The following CCR9 variants were observed in gnomAD, a reference collection of about 807,000 sequenced individuals.
CCR9 encodes the protein C-C chemokine receptor type 9.
A neutral mutation model predicts 8.7 loss-of-function variants in CCR9; 4 were observed. The ratio of observed to expected loss-of-function variants is 0.46; its 90% confidence interval spans 0.23 to 1.06. The LOEUF is 1.06. Ranked by LOEUF, CCR9 falls within the 50% of genes least tolerant of loss-of-function variation. CCR9 has a pLI of 0.21. For missense variants in CCR9, 394 were observed against 453.6 expected (o/e 0.87, Z 1.19); for synonymous variants, 159 against 168.8 (o/e 0.94, Z 0.45).
At chr3:45,886,847 G>A (rs1329823587) in intron 1 of CCR9, among the ~76,000 whole-genome samples, 192 bp downstream of exon 1, 1 of 152,054 alleles carries the variant, frequency 6.6e-6, no homozygotes, top group African/African-American at 2.4e-5. Flanking sequence ...TTTCTTGTAG[G>A]GCGAGTAATA....
rs202070482 is a variant in CCR9 at position 45,901,572 on chromosome 3, G to C, written c.784G>C (p.Val262Leu). 6.2e-7 allele frequency: 1 copy of C among 1,614,174 alleles called. No individual in the cohort carries two copies. Among genetic ancestry groups the C allele is most frequent in the Non-Finnish European group, 8.5e-7 (1 of 1,180,012 alleles). The change falls in exon 3 of 3, where the codon GTC becomes CTC. Residue 262 changes from valine (V) to leucine (L), a missense_variant. Physicochemically the swap from Val to Leu is conservative, Grantham distance 32. Coordinates refer to ENST00000357632, the MANE Select transcript of CCR9 (RefSeq NM_031200.3). The surrounding 1 kb of genome is among the most constrained non-coding windows in gnomAD (Gnocchi z 4.3). ...AAAAGTGACCATCACTGTCCTGACC[G>C]TCTTTGTCTTGTCTCAGTTTCCCTA... ...ALKVTITVLT[V>L]FVLSQFPYNC...
chr3:45,898,594 T>C (rs573571335), intron 2 of CCR9, among the ~76,000 whole-genome samples: 7 of 152,332 alleles, frequency 4.6e-5, no homozygotes, highest in Non-Finnish European at 1.0e-4. Flanking sequence ...TGCTCACATA[T>C]TGGAGATGGA....
rs898877398 is a variant in CCR9, at chr3:45,900,048, G to A, written c.22-762G>A. On this transcript the variant is annotated intron_variant, in intron 2 of 2. Transcript: ENST00000357632. This position sits in a 1 kb window ranked among gnomAD's most constrained non-coding sequence, Gnocchi z 4.7. The stretch of plus-strand genomic sequence containing the variant: ...GTGCAAGTGCATGTATTATGTGTAT[G>A]CATGTACATATGAGTGTGTGTGCTT... Among the ~76,000 whole-genome samples the A allele has an allele frequency of 1.3e-5, 2 of 152,232 alleles. No individual in the cohort carries two copies. Among genetic ancestry groups the A allele is most frequent in the African/African-American group, 4.8e-5 (2 of 41,456 alleles).
chr3:45,896,128 T>C (rs1702348882), intron 2 of CCR9, among the ~76,000 whole-genome samples: 1 of 152,248 alleles, frequency 6.6e-6, no homozygotes, highest in Admixed American at 6.5e-5. Flanking sequence ...AAGTAACTAT[T>C]ATTCTGACAA....
In CCR9 at chr3:45,900,230, T is replaced by C. The variant is rs1339706637; in HGVS notation, c.22-580T>C. On this transcript the variant is annotated intron_variant, in intron 2 of 2. Coordinates refer to ENST00000357632, the MANE Select transcript of CCR9 (RefSeq NM_031200.3). This position sits in a 1 kb window ranked among gnomAD's most constrained non-coding sequence, Gnocchi z 4.7. ...ACTATAGAGCAGGTCATGGTGCTTG[T>C]GTGTGTATGTAGGGTTGAGAGTGTC... Among the ~76,000 whole-genome samples the C allele has an allele frequency of 4.6e-5, 7 of 152,126 alleles. No homozygotes were observed. Among genetic ancestry groups the C allele is most frequent in the Non-Finnish European group, 1.0e-4 (7 of 68,006 alleles).
In CCR9 at chr3:45,897,775, C is replaced by G; in HGVS notation, c.21+2821C>G. 5.1e-6 allele frequency: 3 copies of G among 589,270 alleles called. No homozygotes were observed. In the South Asian group the frequency reaches 6.3e-5, roughly 12 times the overall value. The allele number at this position is 589,270 out of a possible 1,614,324, so 36.5% of individuals were successfully genotyped here. On this transcript the variant is annotated intron_variant, in intron 2 of 2. Transcript: ENST00000357632. The stretch of plus-strand genomic sequence containing the variant: ...CCTTGCCTTCTTCTTTCTTCCTTGT[C>G]TGTCTTCCTCTTAACATGTCTTTAA...
intron 1 of CCR9, among the ~76,000 whole-genome samples, chr3:45,890,329 A>ATATATT (rs1702129520): frequency 1.4e-5 from 1 of 73,138 alleles, no homozygotes; most frequent in South Asian, 3.1e-4. Flanking sequence ...ATATAAATAT[A>ATATATT]TATATAACAT....
At chr3:45,887,344 A>C (rs1217043704) in intron 1 of CCR9, among the ~76,000 whole-genome samples, 1 of 152,112 alleles carries the variant, frequency 6.6e-6, no homozygotes, top group African/African-American at 2.4e-5. Context: ...AAACTAGGAA[A>C]GGGTGCTTCA....
intron 1 of CCR9, among the ~76,000 whole-genome samples, chr3:45,890,281 T>TAAC (rs1559421405): frequency 7.8e-5 from 5 of 64,416 alleles, no homozygotes; most frequent in African/African-American, 2.2e-4. Context: ...CATATATATA[T>TAAC]ATTTATATAA....
chr3:45,894,793 A>AT (rs2125750191), intron 1 of CCR9, 113 bp from the exon 2 acceptor site: 5 of 762,464 alleles, frequency 6.6e-6, no homozygotes, highest in East Asian at 2.5e-5. Flanking sequence ...TGCTTGGAAT[A>AT]TTTTTTTCAG....
At chr3:45,899,110 G>C (rs1702464008) in intron 2 of CCR9, among the ~76,000 whole-genome samples, 2 of 152,244 alleles carry the variant, frequency 1.3e-5, no homozygotes, top group Non-Finnish European at 2.9e-5. Context: ...AGGTTGCAGT[G>C]AGCCGAGATG....
At chr3:45,897,757 T>G in intron 2 of CCR9, 1 of 610,082 alleles carries the variant, frequency 1.6e-6, no homozygotes, top group Non-Finnish European at 2.8e-6. Flanking sequence ...CTCCCTTGCC[T>G]TCTTCTTTCT....
intron 1 of CCR9, among the ~76,000 whole-genome samples, chr3:45,890,279 T>TATAAA (rs1553616516): frequency 1.3e-5 from 1 of 75,770 alleles, no homozygotes; most frequent in Non-Finnish European, 2.4e-5. Flanking sequence ...AACATATATA[T>TATAAA]ATATTTATAT....
chr3:45,898,758 A>G (rs150293488), intron 2 of CCR9, among the ~76,000 whole-genome samples: 75 of 152,340 alleles, frequency 4.9e-4, no homozygotes, highest in African/African-American at 1.8e-3. Context: ...CCCTCCACAA[A>G]CACACACACA....
At chr3:45,898,731 C>G (rs529899073) in intron 2 of CCR9, among the ~76,000 whole-genome samples, 1 of 152,202 alleles carries the variant, frequency 6.6e-6, no homozygotes, top group Non-Finnish European at 1.5e-5. Context: ...ATTCAGTGAG[C>G]CCTGATATCT....
intron 1 of CCR9, among the ~76,000 whole-genome samples, chr3:45,891,174 A>G (rs1702168776): frequency 6.6e-6 from 1 of 152,232 alleles, no homozygotes; most frequent in Admixed American, 6.5e-5. Context: ...AAATTCGGTG[A>G]ATGCCCAGGT....
Position 45,901,460 on chromosome 3 carries a change from C to T in CCR9, c.672C>T (p.Phe224=). The T allele has an allele frequency of 6.2e-7, 1 of 1,614,168 alleles. No individual in the cohort carries two copies. Reference sequence around the variant, plus strand: ...CCCTGAAGGTCATTCTGGGGTTCTTCCTTCCCTTCGTGGTCATGGCTTGCT... The same window carrying T: ...CCCTGAAGGTCATTCTGGGGTTCTTTCTTCCCTTCGTGGTCATGGCTTGCT... ...VLTLKVILGF[F]LPFVVMACCY... The change falls in exon 3 of 3, where the codon TTC becomes TTT. Residue 224 remains phenylalanine, a synonymous_variant. Coordinates refer to ENST00000357632, the MANE Select transcript of CCR9 (RefSeq NM_031200.3). This position sits in a 1 kb window ranked among gnomAD's most constrained non-coding sequence, Gnocchi z 4.3.
chr3:45,898,576 T>C (rs1398784818), intron 2 of CCR9, among the ~76,000 whole-genome samples: 2 of 152,212 alleles, frequency 1.3e-5, no homozygotes, highest in Non-Finnish European at 2.9e-5. Flanking sequence ...TGCAATAGGA[T>C]TTTCTCTTGC....
intron 1 of CCR9, among the ~76,000 whole-genome samples, chr3:45,888,699 T>A (rs183173025): frequency 6.6e-6 from 1 of 152,312 alleles, no homozygotes; most frequent in East Asian, 1.9e-4. Context: ...TTTTCCCCCC[T>A]ATATTTTTCC....
Sources: gnomAD v4.1 joint callset for allele counts (sites outside exome capture counted in the v4.1 genomes callset) on GRCh38, gnomAD v4.1.1 for gene constraint, Gnocchi (gnomAD v3.1) non-coding constraint, MANE v1.5 for transcripts, NCBI Gene and HGNC (gene_info 2026-07-23, HGNC 2026-07-21) for gene names.